DNM3: variants seen among roughly 807,000 people sequenced by gnomAD.
DNM3 encodes dynamin 3.
Under a neutral mutation model 101.6 loss-of-function variants are expected in DNM3, and 47 were observed. The ratio of observed to expected loss-of-function variants is 0.46; its 90% CI spans 0.37 to 0.59. DNM3 has a LOEUF of 0.59. Among genes scored for constraint, DNM3 ranks in the 20% least tolerant of loss-of-function variants. The pLI is 0.00. For missense variants in DNM3, 849 were observed against 1,085.7 expected (o/e 0.78, Z 3.06); for synonymous variants, 385 against 387.9 (o/e 0.99, Z 0.09).
At chr1:172,192,785 A>T (rs1172034707) in intron 14 of DNM3, among the ~76,000 whole-genome samples, 5 of 151,660 alleles carry the variant, frequency 3.3e-5, no homozygotes, top group African/African-American at 1.2e-4. Flanking sequence ...ATTGTTGGAC[A>T]TTTGGGTTGG....
chr1:172,009,317 T>C (rs1026023790), intron 4 of DNM3, among the ~76,000 whole-genome samples: 6 of 150,368 alleles, frequency 4.0e-5, no homozygotes, highest in African/African-American at 1.5e-4. Flanking sequence ...AGATAGTGTA[T>C]TTTTTATCAT....
At chr1:172,185,309 AT>A (rs944173761) in intron 14 of DNM3, among the ~76,000 whole-genome samples, 1 of 152,140 alleles carries the variant, frequency 6.6e-6, no homozygotes, top group African/African-American at 2.4e-5. Context: ...ATTTGTTCCA[AT>A]TTTATTCTCT....
At chr1:172,073,221 GTA>G (rs1342497094) in intron 11 of DNM3, among the ~76,000 whole-genome samples, 1 of 151,360 alleles carries the variant, frequency 6.6e-6, no homozygotes, top group South Asian at 2.1e-4. Flanking sequence ...ATGTATGTAT[GTA>G]TATATGTGTG....
chr1:172,358,292 T>C (rs1304351037), intron 17 of DNM3, among the ~76,000 whole-genome samples: 1 of 152,002 alleles, frequency 6.6e-6, no homozygotes, highest in Admixed American at 6.6e-5. Flanking sequence ...AAATGACCAC[T>C]ATGGAAAGAA....
intron 11 of DNM3, among the ~76,000 whole-genome samples, chr1:172,081,459 G>A (rs1385578304): frequency 6.6e-6 from 1 of 152,124 alleles, no homozygotes; most frequent in Non-Finnish European, 1.5e-5. Context: ...TAAGCTCAGC[G>A]CAACCCCTCA....
chr1:171,955,732 A>C (rs562506152), intron 2 of DNM3, among the ~76,000 whole-genome samples: 1 of 152,272 alleles, frequency 6.6e-6, no homozygotes, highest in African/African-American at 2.4e-5. Context: ...GTAGAAGCTA[A>C]CTGGGCTGTA....
intron 2 of DNM3, among the ~76,000 whole-genome samples, chr1:171,963,046 G>A (rs76523724): frequency 0.019 from 2,931 of 152,172 alleles, 93 homozygotes; most frequent in African/African-American, 0.066. Flanking sequence ...ATTTACTCAA[G>A]TGCGATGAAA....
chr1:172,046,656 G>T (rs964396906), intron 9 of DNM3, among the ~76,000 whole-genome samples: 1 of 152,032 alleles, frequency 6.6e-6, no homozygotes, highest in African/African-American at 2.4e-5. Context: ...AAAGTGAAGA[G>T]GAGAAAACAT....
chr1:171,992,998 A>T (rs2045738845), intron 4 of DNM3, among the ~76,000 whole-genome samples: 1 of 150,224 alleles, frequency 6.7e-6, no homozygotes, highest in Admixed American at 6.6e-5. Context: ...ATATAGCTCC[A>T]CTCCCTCCCC....
At chr1:171,990,317 T>G (rs964389695) in intron 4 of DNM3, among the ~76,000 whole-genome samples, 1 of 152,184 alleles carries the variant, frequency 6.6e-6, no homozygotes, top group Non-Finnish European at 1.5e-5. Context: ...AGCTGATTTA[T>G]GTACATGACA....
chr1:171,939,065 CTTTT>C (rs2041645156), intron 2 of DNM3, among the ~76,000 whole-genome samples: 1 of 149,824 alleles, frequency 6.7e-6, no homozygotes, highest in Non-Finnish European at 1.5e-5. Context: ...AACCCACTTT[CTTTT>C]GTTACTTTTT....
intron 15 of DNM3, among the ~76,000 whole-genome samples, chr1:172,296,308 G>A (rs1398046099): frequency 6.6e-6 from 1 of 152,232 alleles, no homozygotes; most frequent in African/African-American, 2.4e-5. Flanking sequence ...CTCCACCAAA[G>A]CACTAGTTGT....
chr1:172,302,044 A>C (rs2064480750), intron 15 of DNM3, among the ~76,000 whole-genome samples: 2 of 152,214 alleles, frequency 1.3e-5, no homozygotes, highest in South Asian at 4.1e-4. Flanking sequence ...CAGTGAGTGC[A>C]GCCCACAGAG....
intron 4 of DNM3, among the ~76,000 whole-genome samples, chr1:171,993,498 C>CTTTTTTTTTTTTTTTTTTTTTTTTTT (rs145178902): frequency 4.7e-5 from 6 of 128,694 alleles, no homozygotes; most frequent in Non-Finnish European, 6.4e-5. Context: ...TTTCAAGATT[C>CTTTTTTTTTTTTTTTTTTTTTTTTTT]TTTTTTTTTT....
intron 14 of DNM3, among the ~76,000 whole-genome samples, chr1:172,225,921 C>T (rs1202213791): frequency 6.6e-6 from 1 of 151,712 alleles, no homozygotes; most frequent in East Asian, 1.9e-4. Context: ...CAATTTGATT[C>T]TTTCAGTCAA....
intron 17 of DNM3, among the ~76,000 whole-genome samples, chr1:172,355,791 T>G (rs1440044242): frequency 6.6e-5 from 10 of 152,150 alleles, no homozygotes; most frequent in Admixed American, 6.6e-4. Context: ...GCTGTGAAGA[T>G]CTAATATATG....
At chr1:172,144,819 T>C in intron 14 of DNM3, 1 of 328,560 alleles carries the variant, frequency 3.0e-6, no homozygotes, top group Admixed American at 4.0e-5. Flanking sequence ...TGGCAATGAA[T>C]TTAGGACCAG....
chr1:171,966,067 A>T (rs1397393941), intron 2 of DNM3, among the ~76,000 whole-genome samples: 2 of 152,078 alleles, frequency 1.3e-5, no homozygotes, highest in Non-Finnish European at 2.9e-5. Context: ...ATTTCTTCTT[A>T]TGTTGCATTC....
At chr1:172,403,750 A>G (rs1573767631) in intron 20 of DNM3, among the ~76,000 whole-genome samples, 1 of 152,186 alleles carries the variant, frequency 6.6e-6, no homozygotes, top group Non-Finnish European at 1.5e-5. Context: ...CAGTGTTTCA[A>G]TAAACACTAA....
Sources: allele counts gnomAD v4.1 joint callset (sites outside exome capture counted in the v4.1 genomes callset), GRCh38; gene constraint gnomAD v4.1.1; transcripts MANE v1.5; gene names NCBI Gene and HGNC (gene_info 2026-07-23, HGNC 2026-07-21).